Variants in RYR1 observed in about 807,000 individuals in gnomAD.
RYR1 encodes the protein central core disease of muscle.
Under a neutral mutation model 583.5 loss-of-function variants are expected in RYR1, and 342 were observed. The ratio of observed to expected loss-of-function variants is 0.59; its 90% CI spans 0.54 to 0.64. The LOEUF is 0.64. Ranked by LOEUF, RYR1 falls within the 30% of genes least tolerant of loss-of-function variation. The pLI is 0.00. For missense variants in RYR1, 6,032 were observed against 6,917.2 expected (o/e 0.87, Z 4.54); for synonymous variants, 2,791 against 2,822.5 (o/e 0.99, Z 0.35).
rs768966523 is a variant in RYR1 at position 38,512,306 on chromosome 19, G to A, written c.9295G>A (p.Ala3099Thr). 6 of 1,614,106 alleles carry A rather than the reference G, an allele frequency of 3.7e-6. No individual in the cohort carries two copies. In the South Asian group the frequency reaches 4.4e-5, roughly 12 times the overall value. The change falls in exon 63 of 106, where the codon GCC becomes ACC. Residue 3099 changes from alanine to threonine, a missense_variant. Ala to Thr is a moderately conservative substitution (Grantham distance 58). Around this residue, in one of 11 missense-constraint regions of RYR1, gnomAD observed 1,493 missense variants for 1,715.5 expected, o/e 0.87. Transcript: ENST00000359596. The surrounding 1 kb of genome is among the most constrained non-coding windows in gnomAD (Gnocchi z 5.1). ...KAGLRSFFES[A>T]SEDIEKMVEN... ...TGGCCTCCGCTCCTTCTTCGAGAGT[G>A]CCTCGGAGGACATCGAGAAGATGGT...
chr19:38,568,990 G>A (rs978805527), intron 93 of RYR1, among the ~76,000 whole-genome samples: 2 of 152,124 alleles, frequency 1.3e-5, no homozygotes, highest in African/African-American at 4.8e-5. Flanking sequence ...GGCAACATAG[G>A]GAGATCCCTG....
intron 89 of RYR1, among the ~76,000 whole-genome samples, chr19:38,556,597 C>T (rs1972888913): frequency 6.6e-6 from 1 of 151,920 alleles, no homozygotes; most frequent in Non-Finnish European, 1.5e-5. Flanking sequence ...GCCATGTTGC[C>T]CAGGCTGGTC....
At chr19:38,494,664 T>C (rs1969725339) in intron 39 of RYR1, 39 bp downstream of exon 39, 2 of 1,612,152 alleles carry the variant, frequency 1.2e-6, no homozygotes, top group South Asian at 1.1e-5. Flanking sequence ...GCATATCCCC[T>C]TGGGTAATGA....
chr19:38,448,092 G>A (rs1196793205), intron 9 of RYR1, among the ~76,000 whole-genome samples: 5 of 151,862 alleles, frequency 3.3e-5, no homozygotes, highest in African/African-American at 9.7e-5. Context: ...GATGGTTTGA[G>A]GAACACTGGA....
intron 34 of RYR1, among the ~76,000 whole-genome samples, chr19:38,488,494 T>C (rs1969400783): frequency 6.6e-6 from 1 of 152,124 alleles, no homozygotes; most frequent in Non-Finnish European, 1.5e-5. Flanking sequence ...GTTAGCATCT[T>C]TTAAACTTTA....
chr19:38,473,851 C>T, intron 28 of RYR1, 80 bp downstream of exon 28: 2 of 1,081,512 alleles, frequency 1.8e-6, no homozygotes, highest in Non-Finnish European at 2.6e-6. Flanking sequence ...ACCTGAGAAA[C>T]CCCCATTGTA....
Position 38,561,477 on chromosome 19 carries a change from A to C in RYR1, c.12624+23A>C. 2 of 1,595,554 alleles carry C rather than the reference A, an allele frequency of 1.3e-6. No homozygotes were observed. The highest frequency in any genetic ancestry group is 1.7e-6 in the Non-Finnish European group (2 of 1,173,488). ...CAGGTCAGGGAACCCGCGCGCGTGC[A>C]AGCTCGCCTCCTGGGGCTTCGGGCA... On this transcript the variant is annotated intron_variant, in intron 90 of 105. Coordinates refer to ENST00000359596, the MANE Select transcript of RYR1 (RefSeq NM_000540.3). This position sits in a 1 kb window ranked among gnomAD's most constrained non-coding sequence, Gnocchi z 4.8.
rs57005131 is a variant in RYR1, at chr19:38,476,018, C to CTT, written c.4293+577_4293+578dup. On this transcript the variant is annotated intron_variant, in intron 29 of 105. Transcript: ENST00000359596. ...ATCTCGGATCATCAGGCATAGATTC[C>CTT]TTTTTTTTTTCTTTTTATTTTTGAG... Among the ~76,000 whole-genome samples the CTT allele has an allele frequency of 6.8e-3, 1,011 of 149,108 alleles. 11 individuals carry two copies. The highest frequency in any genetic ancestry group is 0.024 in the African/African-American group (967 of 40,682).
intron 89 of RYR1, among the ~76,000 whole-genome samples, chr19:38,555,983 C>T (rs1972861556): frequency 1.3e-5 from 2 of 152,076 alleles, no homozygotes; most frequent in Admixed American, 1.3e-4. Context: ...CCTGCCTCAG[C>T]CTCCTGAGTA....
rs570503872 is a variant in RYR1, at chr19:38,499,283, G to A, written c.7027+40G>A. The A allele has an allele frequency of 6.2e-7, 1 of 1,613,966 alleles. No individual in the cohort carries two copies. Among genetic ancestry groups the A allele is most frequent in the Non-Finnish European group, 8.5e-7 (1 of 1,179,930 alleles). On this transcript the variant is annotated intron_variant, in intron 43 of 105. Transcript: ENST00000359596. The surrounding 1 kb of genome is among the most constrained non-coding windows in gnomAD (Gnocchi z 7.3). Reference sequence around the variant, plus strand: ...GCAGTGGCAGAGCGGGAAGTATGGAGTCACTGGTCACACACCTCCCTCGAG... The same window carrying A: ...GCAGTGGCAGAGCGGGAAGTATGGAATCACTGGTCACACACCTCCCTCGAG...
At chr19:38,524,898 A>C (rs1448992701) in intron 70 of RYR1, among the ~76,000 whole-genome samples, 4 of 152,000 alleles carry the variant, frequency 2.6e-5, no homozygotes, top group Non-Finnish European at 5.9e-5. Flanking sequence ...GAGGACTGCT[A>C]GAAGTTGAGA....
chr19:38,456,274 ATTTT>A (rs769713059), intron 16 of RYR1, among the ~76,000 whole-genome samples: 1 of 106,662 alleles, frequency 9.4e-6, no homozygotes, highest in African/African-American at 3.8e-5. Context: ...AGCGCCTGGC[ATTTT>A]TTTTTTTTTT....
At position 38,477,789 on chromosome 19, in the gene RYR1, A is replaced by G. The variant is rs867867544; in HGVS notation, c.4373A>G (p.Gln1458Arg). Residue 1458 changes from glutamine (Q) to arginine (R), a missense_variant, in exon 30 of 106, where the codon CAG becomes CGG. Gln to Arg is a conservative substitution (Grantham distance 43, BLOSUM62 1). Coordinates refer to ENST00000359596, the MANE Select transcript of RYR1 (RefSeq NM_000540.3). Reference protein sequence around the residue: ...WAGWVTPDYHQHDMSFDLSKV... With the variant: ...WAGWVTPDYHRHDMSFDLSKV... ...GGCTGGGTCACCCCTGACTACCATCAGCACGACATGAGCTTCGACCTCAGC... is the reference window on the plus strand; with the variant it reads ...GGCTGGGTCACCCCTGACTACCATCGGCACGACATGAGCTTCGACCTCAGC... 1.9e-6 allele frequency: 3 copies of G among 1,613,688 alleles called. No individual in the cohort carries two copies. Among genetic ancestry groups the G allele is most frequent in the Non-Finnish European group, 2.5e-6 (3 of 1,179,902 alleles).
At chr19:38,446,826 G>T in intron 9 of RYR1, 58 bp downstream of exon 9, 2 of 1,424,166 alleles carry the variant, frequency 1.4e-6, no homozygotes, top group Non-Finnish European at 2.0e-6. Flanking sequence ...TGGCAGGCTG[G>T]GAGGACAGAA....
rs761712010 is a variant in RYR1 at position 38,543,737 on chromosome 19, T to A, written c.11908-34T>A. On this transcript the variant is annotated intron_variant, in intron 86 of 105. Transcript: ENST00000359596. The surrounding 1 kb of genome is among the most constrained non-coding windows in gnomAD (Gnocchi z 4.4). ...TGATCCCTGATCCCTTCTCGGGGAT[T>A]CCCTTCCCCCCCACACGGCACTCTG... 1.9e-6 allele frequency: 3 copies of A among 1,610,932 alleles called. No individual in the cohort carries two copies. Among genetic ancestry groups the A allele is most frequent in the Non-Finnish European group, 8.5e-7 (1 of 1,179,576 alleles).
chr19:38,533,209 C>T (rs543491042), intron 78 of RYR1, among the ~76,000 whole-genome samples: 11 of 152,136 alleles, frequency 7.2e-5, no homozygotes, highest in South Asian at 4.2e-4. Context: ...AAATGTTCTA[C>T]GTAGGGAGAA....
At chr19:38,546,392 G>A in intron 87 of RYR1, 53 bp from the exon 88 acceptor site, 2 of 1,498,154 alleles carry the variant, frequency 1.3e-6, no homozygotes, top group Non-Finnish European at 9.3e-7. Flanking sequence ...AGAAGCAACA[G>A]AGGTGGGGGA....
rs193922772 is a variant in RYR1, at chr19:38,457,546, G to A, written c.1841G>A (p.Arg614His). 28 of 1,614,018 alleles carry A rather than the reference G, an allele frequency of 1.7e-5. No homozygotes were observed. Among genetic ancestry groups the A allele is most frequent in the East Asian group, 6.7e-5 (3 of 44,878 alleles). The change falls in exon 17 of 106, where the codon CGC (arginine) becomes CAC (histidine). Residue 614 changes from arginine (R) to histidine (H), a missense_variant. Physicochemically the swap from Arg to His is conservative, Grantham distance 29. Coordinates refer to ENST00000359596, the MANE Select transcript of RYR1 (RefSeq NM_000540.3). ...SLCVCNGVAV[R>H]SNQDLITENL... ...TGTGTGTGTAATGGTGTGGCTGTACGCTCCAACCAAGATCTTATTACTGAG... is the reference window on the plus strand; with the variant it reads ...TGTGTGTGTAATGGTGTGGCTGTACACTCCAACCAAGATCTTATTACTGAG...
At chr19:38,511,952 G>A (rs1220649838) in intron 61 of RYR1, 120 bp from the exon 62 acceptor site, 3 of 1,190,384 alleles carry the variant, frequency 2.5e-6, no homozygotes, top group Non-Finnish European at 3.7e-6. Flanking sequence ...GGGTGCAGTA[G>A]CATTCCAACT....
Sources: allele counts gnomAD v4.1 joint callset (sites outside exome capture counted in the v4.1 genomes callset), GRCh38; gene constraint gnomAD v4.1.1; regional missense constraint gnomAD v4.1.1; non-coding constraint Gnocchi (gnomAD v3.1); transcripts MANE v1.5; gene names NCBI Gene and HGNC (gene_info 2026-07-23, HGNC 2026-07-21).